Variants in GRM3 observed in about 807,000 individuals in gnomAD.
The protein encoded by GRM3 is glutamate metabotropic receptor 3, also known as metabotropic glutamate receptor 3.
A neutral mutation model predicts 70.5 loss-of-function variants in GRM3; 26 were observed. The observed-to-expected ratio is 0.37, with a 90% CI of 0.27 to 0.51. The LOEUF is 0.51. Among genes scored for constraint, GRM3 ranks in the 20% least tolerant of loss-of-function variants. The pLI is 0.93. For synonymous variants in GRM3, 443 were observed against 434.9 expected, an observed-to-expected ratio of 1.02 and a Z score of -0.23; for missense variants, 859 against 1,123.8, an observed-to-expected ratio of 0.76 and a Z score of 3.37.
At chr7:86,667,770 G>C (rs1327874648) in intron 1 of GRM3, among the ~76,000 whole-genome samples, 2 of 152,094 alleles carry the variant, frequency 1.3e-5, no homozygotes, top group Non-Finnish European at 2.9e-5. Context: ...CCTTCTAACG[G>C]TGTACTCTTG....
At chr7:86,657,343 A>T (rs990236458) in intron 1 of GRM3, among the ~76,000 whole-genome samples, 1 of 152,172 alleles carries the variant, frequency 6.6e-6, no homozygotes, top group Non-Finnish European at 1.5e-5. Flanking sequence ...TGGCTGTGAG[A>T]CCCCTAAGTG....
chr7:86,680,931 T>G (rs1039520537), intron 1 of GRM3, among the ~76,000 whole-genome samples: 2 of 152,100 alleles, frequency 1.3e-5, no homozygotes, highest in African/African-American at 4.8e-5. Context: ...CAAGAGAAAC[T>G]AAGTTCTTTC....
In GRM3 at chr7:86,839,562, T is replaced by A. The variant is rs1423711838; in HGVS notation, c.2048T>A (p.Ile683Asn). 6.2e-7 allele frequency: 1 copy of A among 1,609,842 alleles called. No individual in the cohort carries two copies. Among genetic ancestry groups the A allele is most frequent in the African/African-American group, 1.3e-5 (1 of 74,712 alleles). The change falls in exon 4 of 6, where the codon ATC (isoleucine) becomes AAC (asparagine). Residue 683 changes from isoleucine (I) to asparagine (N), a missense_variant. Physicochemically the swap from Ile to Asn is moderately radical, Grantham distance 149. Transcript: ENST00000361669. The surrounding 1 kb of genome is among the most constrained non-coding windows in gnomAD (Gnocchi z 4.5). ...AATGGCGCTCAGAGGCCAAAATTCA[T>A]CAGCCCCAGTTCTCAGGTTTTCATC... is the stretch of plus-strand genomic sequence containing the variant. ...VKNGAQRPKF[I>N]SPSSQVFICL...
chr7:86,736,021 A>C (rs1441116031), intron 1 of GRM3, among the ~76,000 whole-genome samples: 5 of 152,186 alleles, frequency 3.3e-5, no homozygotes, highest in Non-Finnish European at 1.5e-5. Flanking sequence ...GAACTAACCC[A>C]TGGTCTTCCT....
chr7:86,778,123 A>C (rs1186969000), intron 2 of GRM3, among the ~76,000 whole-genome samples: 5 of 152,206 alleles, frequency 3.3e-5, no homozygotes, highest in Admixed American at 2.6e-4. Context: ...AACAGCAGAG[A>C]ATAAACATGA....
At chr7:86,847,704 G>C (rs1798681280) in intron 4 of GRM3, among the ~76,000 whole-genome samples, 2 of 152,168 alleles carry the variant, frequency 1.3e-5, no homozygotes. Flanking sequence ...GTGATTAACT[G>C]TGTCAAGCAT....
At chr7:86,753,031 C>A (rs2116367152) in intron 1 of GRM3, among the ~76,000 whole-genome samples, 1 of 152,154 alleles carries the variant, frequency 6.6e-6, no homozygotes, top group African/African-American at 2.4e-5. Context: ...AAACACTAAA[C>A]AATTCAGAAT....
chr7:86,740,260 C>A (rs1293755249), intron 1 of GRM3, among the ~76,000 whole-genome samples: 2 of 152,112 alleles, frequency 1.3e-5, no homozygotes, highest in African/African-American at 4.8e-5. Context: ...ATAGGCCCAA[C>A]TTCCATTTTG....
At chr7:86,846,940 T>C (rs1340550889) in intron 4 of GRM3, among the ~76,000 whole-genome samples, 2 of 152,200 alleles carry the variant, frequency 1.3e-5, no homozygotes, top group Non-Finnish European at 2.9e-5. Context: ...ACAGTTTTAC[T>C]AATGCTAGCA....
At chr7:86,818,082 T>A (rs1379689479) in intron 3 of GRM3, among the ~76,000 whole-genome samples, 5 of 151,972 alleles carry the variant, frequency 3.3e-5, no homozygotes, top group Non-Finnish European at 5.9e-5. Context: ...GAAAAATGAA[T>A]TCCTTCTCAA....
intron 1 of GRM3, among the ~76,000 whole-genome samples, chr7:86,646,624 G>A (rs1381237224): frequency 6.6e-6 from 1 of 151,948 alleles, no homozygotes; most frequent in Non-Finnish European, 1.5e-5. Context: ...ATATATCTAG[G>A]TATAAAACTG....
intron 1 of GRM3, among the ~76,000 whole-genome samples, chr7:86,652,102 C>T (rs1038348697): frequency 1.3e-5 from 2 of 152,118 alleles, no homozygotes; most frequent in African/African-American, 4.8e-5. Flanking sequence ...CAAGCCCTTC[C>T]TTGGCTATGG....
chr7:86,833,058 G>T, intron 3 of GRM3: 2 of 977,726 alleles, frequency 2.0e-6, no homozygotes, highest in Non-Finnish European at 2.4e-6. Flanking sequence ...ACCAGTGAAA[G>T]GTGAAGTGAT....
At chr7:86,676,642 G>A (rs779271594) in intron 1 of GRM3, among the ~76,000 whole-genome samples, 7 of 151,950 alleles carry the variant, frequency 4.6e-5, no homozygotes, top group Non-Finnish European at 1.0e-4. Context: ...TTAAGAAGAT[G>A]TAAATAATCA....
intron 1 of GRM3, among the ~76,000 whole-genome samples, chr7:86,715,174 T>C (rs938502719): frequency 6.6e-6 from 1 of 151,962 alleles, no homozygotes; most frequent in African/African-American, 2.4e-5. Context: ...ATGGAGTGGG[T>C]CACAATAAAG....
Position 86,839,203 on chromosome 7 carries a change from T to C in GRM3, c.1689T>C (p.Tyr563=). The change falls in exon 4 of 6, where the codon TAT becomes TAC. Residue 563 remains tyrosine, a synonymous_variant. Coordinates refer to ENST00000361669, the MANE Select transcript of GRM3 (RefSeq NM_000840.3). This position sits in a 1 kb window ranked among gnomAD's most constrained non-coding sequence, Gnocchi z 4.5. ...CCACTGCAGACCTAACTGGATGCTA[T>C]GACCTTCCTGAGGACTACATCAGGT... ...QWPTADLTGC[Y]DLPEDYIRWE... 2.5e-6 allele frequency: 4 copies of C among 1,613,878 alleles called. No individual in the cohort carries two copies. The highest frequency in any genetic ancestry group is 1.3e-5 in the African/African-American group (1 of 75,054).
At chr7:86,745,801 A>G (rs1284232383) in intron 1 of GRM3, among the ~76,000 whole-genome samples, 1 of 152,108 alleles carries the variant, frequency 6.6e-6, no homozygotes, top group Non-Finnish European at 1.5e-5. Context: ...TTACAAAACC[A>G]TGGGAATTTC....
intron 1 of GRM3, among the ~76,000 whole-genome samples, chr7:86,663,278 GGAA>G (rs1269014624): frequency 6.6e-6 from 1 of 151,888 alleles, no homozygotes; most frequent in Non-Finnish European, 1.5e-5. Context: ...GCAAATAAAG[GGAA>G]GAAGGTTTTC....
At chr7:86,863,114 C>T (rs568906005) in intron 5 of GRM3, among the ~76,000 whole-genome samples, 1 of 152,062 alleles carries the variant, frequency 6.6e-6, no homozygotes, top group South Asian at 2.1e-4. Context: ...TCTCTTTAAC[C>T]GATTCTCTCG....
Sources: gnomAD v4.1 joint callset for allele counts (sites outside exome capture counted in the v4.1 genomes callset) on GRCh38, gnomAD v4.1.1 for gene constraint, Gnocchi (gnomAD v3.1) non-coding constraint, MANE v1.5 for transcripts, NCBI Gene and HGNC (gene_info 2026-07-23, HGNC 2026-07-21) for gene names.